Variants in TMEM201 observed in about 807,000 individuals in gnomAD.
TMEM201 encodes the protein transmembrane protein 201, also known as RP13-15M17.2.
In TMEM201, 26 loss-of-function variants were observed where a neutral mutation model predicts 63.4. The ratio of observed to expected loss-of-function variants is 0.41; its 90% confidence interval spans 0.30 to 0.57. The LOEUF (loss-of-function observed/expected upper bound fraction) is 0.57, where lower values mean the gene tolerates loss of function less well. Among genes scored for constraint, TMEM201 ranks in the 20% least tolerant of loss-of-function variants. The probability of loss-of-function intolerance (pLI) is 0.29; values close to 1 mark genes in which losing one functional copy is unlikely to be tolerated. For missense variants in TMEM201, 794 were observed against 917.7 expected, an observed-to-expected ratio of 0.87 and a Z score of 1.74; for synonymous variants, 417 against 421.6, an observed-to-expected ratio of 0.99 and a Z score of 0.14.
chr1:9,593,308 A>G (rs1643952718), intron 1 of TMEM201, among the ~76,000 whole-genome samples: 1 of 152,148 alleles, frequency 6.6e-6, no homozygotes, highest in Non-Finnish European at 1.5e-5. Context: ...GGGACCTGCA[A>G]TTCATGCCCA....
Position 9,609,931 on chromosome 1 carries a change from A to G in TMEM201, c.1465+20A>G, listed in dbSNP as rs1644298317. On this transcript the variant is annotated intron_variant, in intron 8 of 10. Transcript: ENST00000340381. ...TTTCAGGTGAGGAAGACAGAGAGCT[A>G]AGTGGGGGACGGGGCAACATGAAGC... 3.9e-6 allele frequency: 6 copies of G among 1,550,618 alleles called. No homozygotes were observed. Among genetic ancestry groups the G allele is most frequent in the Non-Finnish European group, 5.2e-6 (6 of 1,146,376 alleles).
rs1205663862 is a variant in TMEM201 at position 9,603,340 on chromosome 1, A to C, written c.1160+1068A>C. 1.0e-6 allele frequency: 1 copy of C among 985,264 alleles called. No individual in the cohort carries two copies. The highest frequency in any genetic ancestry group is 1.2e-6 in the Non-Finnish European group (1 of 829,912). The allele number at this position is 985,264 out of a possible 1,614,324, so 61.0% of individuals were successfully genotyped here. On this transcript the variant is annotated intron_variant, in intron 6 of 10. Transcript: ENST00000340381. The surrounding 1 kb of genome is among the most constrained non-coding windows in gnomAD (Gnocchi z 4.5). ...CCAGCTCAGTGGGTGTGGGGATCAC[A>C]TGAGGTGGCTCATGAGGACACACTC...
rs1644200953 is a variant in TMEM201, at chr1:9,604,154, CGAG to C, written c.1160+1885_1160+1887del. On this transcript the variant is annotated intron_variant, in intron 6 of 10. Coordinates refer to ENST00000340381, the MANE Select transcript of TMEM201 (RefSeq NM_001130924.3). The surrounding 1 kb of genome is among the most constrained non-coding windows in gnomAD (Gnocchi z 4.1). ...GCTTGCGTCTCGAATCTTCGGTTCT[CGAG>C]GAAGTGTTGACAGTGTGATGCTAAT... is the stretch of plus-strand genomic sequence containing the variant. 7 of 985,272 alleles carry C rather than the reference CGAG, an allele frequency of 7.1e-6. No individual in the cohort carries two copies. Among genetic ancestry groups the C allele is most frequent in the Non-Finnish European group, 8.4e-6 (7 of 829,940 alleles). 61.0% of individuals were successfully genotyped at this position (985,272 alleles called of 1,614,324 possible).
chr1:9,599,545 G>T (rs907117320), intron 4 of TMEM201, among the ~76,000 whole-genome samples: 1 of 152,154 alleles, frequency 6.6e-6, no homozygotes, highest in African/African-American at 2.4e-5. Context: ...CTGAGCCACC[G>T]CACCCGGCCT....
rs900346287 is a variant in TMEM201 at position 9,603,980 on chromosome 1, C to G, written c.1160+1708C>G. The G allele has an allele frequency of 1.2e-5, 12 of 985,464 alleles. No individual in the cohort carries two copies. Among genetic ancestry groups the G allele is most frequent in the Non-Finnish European group, 1.4e-5 (12 of 829,948 alleles). 61.0% of individuals were successfully genotyped at this position (985,464 alleles called of 1,614,324 possible). A position where few individuals can be genotyped will look rare whatever the true frequency, so the allele number is the denominator to read the frequency against. ...CAGTGAGGAGTTGGGGCGGGTGAGC[C>G]AAAGCGGCCCCCCATGGTGTCTACC... On this transcript the variant is annotated intron_variant, in intron 6 of 10. Transcript: ENST00000340381. The surrounding 1 kb of genome is among the most constrained non-coding windows in gnomAD (Gnocchi z 4.5).
intron 10 of TMEM201, 26 bp downstream of exon 10, chr1:9,611,916 G>A (rs1264428359): frequency 6.6e-7 from 1 of 1,518,252 alleles, no homozygotes; most frequent in African/African-American, 1.4e-5. Context: ...TGCGGGAGGG[G>A]AGGGGGTGGG....
chr1:9,604,337 C>T lies in TMEM201; in HGVS notation c.1160+2065C>T, dbSNP rs533840572. 1.1e-5 allele frequency: 11 copies of T among 985,296 alleles called. No individual in the cohort carries two copies. Among genetic ancestry groups the T allele is most frequent in the African/African-American group, 1.7e-5 (1 of 57,230 alleles). The allele number at this position is 985,296 out of a possible 1,614,324, so 61.0% of individuals were successfully genotyped here. On this transcript the variant is annotated intron_variant, in intron 6 of 10. Coordinates refer to ENST00000340381, the MANE Select transcript of TMEM201 (RefSeq NM_001130924.3). The surrounding 1 kb of genome is among the most constrained non-coding windows in gnomAD (Gnocchi z 4.1). ...CCTGCCCTCTGCCGGGGTCCGGAAG[C>T]GACATCTCAGGAGGTAGCTCTCAGC... is the stretch of plus-strand genomic sequence containing the variant.
Position 9,590,004 on chromosome 1 carries a change from C to T in TMEM201, c.113+961C>T, listed in dbSNP as rs193240641. 3.9e-5 allele frequency among the ~76,000 whole-genome samples: 6 copies of T among 152,280 alleles called. No individual in the cohort carries two copies. In the East Asian group the frequency reaches 1.2e-3, roughly 29 times the overall value. ...CTGTTTGTTCTTCCTTAACACATAC[C>T]GGTGCTGCTTCTCTCCTCCAGGGGG... is the stretch of plus-strand genomic sequence containing the variant. On this transcript the variant is annotated intron_variant, in intron 1 of 10. Transcript: ENST00000340381.
chr1:9,591,873 G>A (rs906130692), intron 1 of TMEM201, among the ~76,000 whole-genome samples: 2 of 152,236 alleles, frequency 1.3e-5, no homozygotes, highest in African/African-American at 4.8e-5. Flanking sequence ...CTGCCCTGCT[G>A]GTGAGCACAG....
At chr1:9,600,311 A>G (rs956796804) in intron 4 of TMEM201, among the ~76,000 whole-genome samples, 1 of 152,210 alleles carries the variant, frequency 6.6e-6, no homozygotes, top group African/African-American at 2.4e-5. Context: ...GAGCCACTGC[A>G]TACCAGATGT....
intron 6 of TMEM201, among the ~76,000 whole-genome samples, chr1:9,606,884 T>C (rs908453136): frequency 6.6e-6 from 1 of 152,230 alleles, no homozygotes. Context: ...GGCGTTGTCC[T>C]GTGAGAGCCT....
chr1:9,590,660 C>T (rs190138218), intron 1 of TMEM201, among the ~76,000 whole-genome samples: 61 of 152,294 alleles, frequency 4.0e-4, no homozygotes, highest in Non-Finnish European at 6.8e-4. Context: ...AGTCCTTTCA[C>T]GCCCCTGACG....
At chr1:9,611,679 A>C in intron 9 of TMEM201, 74 bp from the exon 10 acceptor site, 3 of 1,539,136 alleles carry the variant, frequency 1.9e-6, no homozygotes, top group African/African-American at 2.7e-5. Context: ...CTTAGAGTGG[A>C]AGTACAGCTG....
chr1:9,591,529 TGGAC>T (rs1357249182), intron 1 of TMEM201, among the ~76,000 whole-genome samples: 1 of 152,230 alleles, frequency 6.6e-6, no homozygotes, highest in Non-Finnish European at 1.5e-5. Context: ...CCCTGTCCCC[TGGAC>T]GCTGCTGCTC....
rs1644179096 is a variant in TMEM201 at position 9,603,170 on chromosome 1, A to C, written c.1160+898A>C. Reference sequence around the variant, plus strand: ...TGCAGGTGCCTGCTCACCATGGCCCAGCGCCACTCTGTCCTCCGACTCAGG... The same window carrying C: ...TGCAGGTGCCTGCTCACCATGGCCCCGCGCCACTCTGTCCTCCGACTCAGG... On this transcript the variant is annotated intron_variant, in intron 6 of 10. Transcript: ENST00000340381. The surrounding 1 kb of genome is among the most constrained non-coding windows in gnomAD (Gnocchi z 4.5). The C allele has an allele frequency of 2.7e-5, 27 of 985,560 alleles. No homozygotes were observed. In the South Asian group the frequency reaches 1.3e-3, roughly 46 times the overall value. The allele number at this position is 985,560 out of a possible 1,614,324, so 61.1% of individuals were successfully genotyped here. A position where few individuals can be genotyped will look rare whatever the true frequency, so the allele number is the denominator to read the frequency against.
chr1:9,590,790 A>G (rs1009716562), intron 1 of TMEM201, among the ~76,000 whole-genome samples: 2 of 152,204 alleles, frequency 1.3e-5, no homozygotes, highest in African/African-American at 2.4e-5. Flanking sequence ...CCTGGAGGTC[A>G]TAAATTGGCC....
chr1:9,590,762 A>T (rs1040999573), intron 1 of TMEM201, among the ~76,000 whole-genome samples: 1 of 152,194 alleles, frequency 6.6e-6, no homozygotes, highest in African/African-American at 2.4e-5. Context: ...AGATGTCCTC[A>T]TAGAGCACTG....
rs779559746 is a variant in TMEM201 at position 9,596,859 on chromosome 1, A to C, written c.235A>C (p.Asn79His). 6.3e-6 allele frequency: 10 copies of C among 1,582,538 alleles called. No individual in the cohort carries two copies. Among genetic ancestry groups the C allele is most frequent in the Non-Finnish European group, 6.9e-6 (8 of 1,156,658 alleles). The change falls in exon 3 of 11, where the codon AAC becomes CAC. Residue 79 changes from asparagine (N) to histidine (H), a missense_variant and splice_region_variant. Coordinates refer to ENST00000340381, the MANE Select transcript of TMEM201 (RefSeq NM_001130924.3). ...HCEQYNGFQE[N>H]GDYNKPIPAQ... The stretch of plus-strand genomic sequence containing the variant: ...CTCGAGTCCCACCTCTCTCCCGCAG[A>C]ACGGCGACTACAACAAGCCGATCCC...
rs1250765072 is a variant in TMEM201, at chr1:9,588,990, G to T, written c.60G>T (p.Leu20=). 2 of 1,211,610 alleles carry T rather than the reference G, an allele frequency of 1.7e-6. No individual in the cohort carries two copies. Among genetic ancestry groups the T allele is most frequent in the Admixed American group, 8.6e-5 (2 of 23,236 alleles). 75.1% of individuals were successfully genotyped at this position (1,211,610 alleles called of 1,614,324 possible). ...RCPTAGLAGG[L]GVTACAAAGV... is the part of the protein sequence containing the mutation. ...CCACGGCCGGCCTGGCCGGCGGCCT[G>T]GGGGTCACGGCGTGCGCCGCGGCCG... Residue 20 remains leucine (L), a synonymous_variant, in exon 1 of 11, where the codon CTG becomes CTT. Transcript: ENST00000340381.
Sources: allele counts gnomAD v4.1 joint callset (sites outside exome capture counted in the v4.1 genomes callset), GRCh38; gene constraint gnomAD v4.1.1; non-coding constraint Gnocchi (gnomAD v3.1); transcripts MANE v1.5; gene names NCBI Gene and HGNC (gene_info 2026-07-23, HGNC 2026-07-21).